PDE4C: variants seen among roughly 807,000 people sequenced by gnomAD.
PDE4C encodes 3',5'-cyclic-AMP phosphodiesterase 4C.
Under a neutral mutation model 63.9 loss-of-function variants are expected in PDE4C, and 50 were observed. The ratio of observed to expected loss-of-function variants is 0.78; its 90% CI spans 0.62 to 0.99. The LOEUF is 0.99. Ranked by LOEUF, PDE4C falls within the 50% of genes least tolerant of loss-of-function variation. The pLI is 0.00. For synonymous variants in PDE4C, 377 were observed against 385.1 expected (o/e 0.98, Z 0.25); for missense variants, 777 against 899.1 (o/e 0.86, Z 1.74).
At chr19:18,211,320 T>C (rs368361591) in intron 14 of PDE4C, 44 bp from the exon 15 acceptor site, 7 of 1,490,808 alleles carry the variant, frequency 4.7e-6, no homozygotes, top group South Asian at 2.6e-5. Flanking sequence ...TGAGTTACAG[T>C]GAACCCTAGA....
intron 1 of PDE4C, among the ~76,000 whole-genome samples, chr19:18,232,408 T>C (rs184180685): frequency 0.011 from 1,638 of 149,754 alleles, 18 homozygotes; most frequent in African/African-American, 0.013. Context: ...TGTGTGTGTG[T>C]GCGTGTGTGT....
At chr19:18,213,900 G>A (rs1399511948) in intron 12 of PDE4C, among the ~76,000 whole-genome samples, 9 of 152,146 alleles carry the variant, frequency 5.9e-5, no homozygotes, top group Admixed American at 5.2e-4. Context: ...CTTTAGCCAC[G>A]TTGTTCCCTC....
upstream of PDE4C, among the ~76,000 whole-genome samples, chr19:18,229,102 A>ATTTTTTTT (rs56379821): frequency 3.3e-4 from 41 of 124,520 alleles, no homozygotes; most frequent in Middle Eastern, 4.7e-3. Flanking sequence ...TGCCAAGCTA[A>ATTTTTTTT]TTTTTTTTTT....
At chr19:18,247,661 C>A (rs192108555) in intron 1 of PDE4C, among the ~76,000 whole-genome samples, 64 of 152,274 alleles carry the variant, frequency 4.2e-4, no homozygotes, top group Non-Finnish European at 7.8e-4. Context: ...CCACCCCCAC[C>A]CCCTACTCAC....
chr19:18,213,278 C>T (rs1968042821), intron 13 of PDE4C, 90 bp downstream of exon 13: 13 of 1,146,984 alleles, frequency 1.1e-5, no homozygotes, highest in East Asian at 3.3e-5. Context: ...AGTGAGACTC[C>T]GTCTCAATAA....
downstream of PDE4C, chr19:18,208,580 A>G (rs1967793884): frequency 6.6e-6 from 1 of 152,064 alleles, no homozygotes; most frequent in Non-Finnish European, 1.5e-5. Flanking sequence ...TGAGCTGGCA[A>G]GAGGACCTCT....
At chr19:18,208,847 C>T (rs1279569090), downstream of PDE4C, 2 of 152,038 alleles carry the variant, frequency 1.3e-5, no homozygotes, top group East Asian at 1.9e-4. Context: ...GGCCTCCCTC[C>T]CTCTAGGGGG....
chr19:18,218,569 C>T, intron 9 of PDE4C, 71 bp from the exon 10 acceptor site: 1 of 1,544,666 alleles, frequency 6.5e-7, no homozygotes, highest in South Asian at 1.1e-5. Flanking sequence ...CTACCCCTCT[C>T]TTCTGAACTC....
At chr19:18,218,581 T>C (rs905894626) in intron 9 of PDE4C, 83 bp from the exon 10 acceptor site, 2 of 1,469,958 alleles carry the variant, frequency 1.4e-6, no homozygotes, top group African/African-American at 2.8e-5. Flanking sequence ...TCTGAACTCC[T>C]ATCTATGCCT....
At chr19:18,213,600 C>A in intron 12 of PDE4C, 110 bp from the exon 13 acceptor site, 1 of 1,193,736 alleles carries the variant, frequency 8.4e-7, no homozygotes. Flanking sequence ...TGGGCCTCAG[C>A]ATACTCATCT....
chr19:18,216,774 C>T, exon 12 of PDE4C: 1 of 1,613,880 alleles, frequency 6.2e-7, no homozygotes, highest in East Asian at 2.2e-5. Flanking sequence ...GACTCAGTCG[C>T]TGCTTGGCGC....
chr19:18,245,353 C>A (rs1969111568), intron 1 of PDE4C, among the ~76,000 whole-genome samples: 1 of 151,772 alleles, frequency 6.6e-6, no homozygotes. Flanking sequence ...TTAGTAGAGA[C>A]AGGGTTTCTC....
chr19:18,226,556 G>T, upstream of PDE4C: 3 of 494,298 alleles, frequency 6.1e-6, no homozygotes, highest in Non-Finnish European at 1.0e-5. Context: ...GACGACCCCC[G>T]GGACAAACGG....
upstream of PDE4C, among the ~76,000 whole-genome samples, chr19:18,236,342 C>T (rs1221257765): frequency 6.6e-6 from 1 of 151,914 alleles, no homozygotes; most frequent in Non-Finnish European, 1.5e-5. Context: ...CAGGTTCAAA[C>T]AATTCTGCTC....
chr19:18,223,854 C>T (rs1186771045), intron 1 of PDE4C, among the ~76,000 whole-genome samples: 1 of 152,208 alleles, frequency 6.6e-6, no homozygotes, highest in Non-Finnish European at 1.5e-5. Context: ...CCTGCGTGCG[C>T]CTTAGTCTAG....
intron 1 of PDE4C, among the ~76,000 whole-genome samples, chr19:18,245,652 C>T (rs886102982): frequency 1.3e-4 from 20 of 152,296 alleles, no homozygotes; most frequent in African/African-American, 4.8e-4. Context: ...CACCCAACCC[C>T]ACATTTTCTC....
At chr19:18,240,755 G>A (rs1283549247) in intron 1 of PDE4C, among the ~76,000 whole-genome samples, 1 of 152,192 alleles carries the variant, frequency 6.6e-6, no homozygotes, top group Admixed American at 6.5e-5. Flanking sequence ...TGAGGTCCAA[G>A]ACCATGCTGC....
chr19:18,228,844 A>T (rs1478928593), upstream of PDE4C, among the ~76,000 whole-genome samples: 1 of 152,208 alleles, frequency 6.6e-6, no homozygotes, highest in Non-Finnish European at 1.5e-5. Flanking sequence ...AAGCACCCCT[A>T]CCCTGACTCC....
At chr19:18,226,046 G>C (rs1968705268) in intron 1 of PDE4C, among the ~76,000 whole-genome samples, 1 of 152,222 alleles carries the variant, frequency 6.6e-6, no homozygotes, top group African/African-American at 2.4e-5. Context: ...GGCGGGTGGA[G>C]ACAGACGGAG....
Sources: gnomAD v4.1 joint callset for allele counts (sites outside exome capture counted in the v4.1 genomes callset) on GRCh38, gnomAD v4.1.1 for gene constraint, MANE v1.5 for transcripts, NCBI Gene and HGNC (gene_info 2026-07-23, HGNC 2026-07-21) for gene names.